Variants in GUCY1A2 observed in about 807,000 individuals in gnomAD.
GUCY1A2 encodes the protein guanylate cyclase 1 soluble subunit alpha 2, also known as guanylate cyclase soluble subunit alpha-2.
GUCY1A2 carries 27 observed loss-of-function variants against 63.5 expected under a neutral mutation model. The ratio of observed to expected loss-of-function variants is 0.43; its 90% confidence interval spans 0.31 to 0.59. The LOEUF (loss-of-function observed/expected upper bound fraction) is 0.59, where lower values mean the gene tolerates loss of function less well. Among genes scored for constraint, GUCY1A2 ranks in the 20% least tolerant of loss-of-function variants. The pLI is 0.11. For synonymous variants in GUCY1A2, 364 were observed against 343.5 expected (o/e 1.06, Z -0.66); for missense variants, 768 against 913.3 (o/e 0.84, Z 2.05).
chr11:106,818,169 A>T (rs1371423632), intron 4 of GUCY1A2, among the ~76,000 whole-genome samples: 1 of 152,246 alleles, frequency 6.6e-6, no homozygotes, highest in East Asian at 1.9e-4. Flanking sequence ...GCTTCACTTT[A>T]TTGCCCTTTG....
intron 4 of GUCY1A2, among the ~76,000 whole-genome samples, chr11:106,904,507 G>A (rs1470749900): frequency 3.3e-5 from 5 of 152,000 alleles, no homozygotes; most frequent in African/African-American, 4.8e-5. Context: ...ACTCTTTGAG[G>A]AGCACTTAAC....
intron 6 of GUCY1A2, among the ~76,000 whole-genome samples, chr11:106,713,060 C>G (rs1474018157): frequency 4.6e-5 from 7 of 152,162 alleles, no homozygotes; most frequent in African/African-American, 1.7e-4. Context: ...CTCTTCAACT[C>G]AAGAAGTTTG....
At position 106,681,372 on chromosome 11, in the gene GUCY1A2, A is replaced by G. The variant is rs1441224310; in HGVS notation, c.*6177T>C. On this transcript the variant is annotated 3_prime_UTR_variant, in exon 8 of 8. Transcript: ENST00000526355. Reference sequence around the variant, plus strand: ...TTTTGCAAAGCCTACTTTCTCAATCACCTCTTCCAACCTATGCTCTACTTC... The same window carrying G: ...TTTTGCAAAGCCTACTTTCTCAATCGCCTCTTCCAACCTATGCTCTACTTC... 2 of 226,220 alleles carry G rather than the reference A, an allele frequency of 8.8e-6. No homozygotes were observed. Among genetic ancestry groups the G allele is most frequent in the South Asian group, 1.8e-4 (1 of 5,474 alleles). The allele number at this position is 226,220 out of a possible 1,614,324, so 14.0% of individuals were successfully genotyped here.
intron 6 of GUCY1A2, among the ~76,000 whole-genome samples, chr11:106,768,883 G>C (rs1864207395): frequency 2.0e-5 from 3 of 152,046 alleles, no homozygotes; most frequent in Non-Finnish European, 4.4e-5. Context: ...AATTCCTAGG[G>C]CAAAGACCTT....
chr11:106,908,002 A>G (rs1404932476), intron 4 of GUCY1A2, among the ~76,000 whole-genome samples: 1 of 152,144 alleles, frequency 6.6e-6, no homozygotes, highest in Non-Finnish European at 1.5e-5. Context: ...CAAATACAAT[A>G]ATGAAAGAAC....
At chr11:106,748,412 G>A (rs902394408) in intron 6 of GUCY1A2, among the ~76,000 whole-genome samples, 3 of 152,064 alleles carry the variant, frequency 2.0e-5, no homozygotes, top group Non-Finnish European at 2.9e-5. Context: ...CTGTATATAC[G>A]AATTCTCCTC....
At chr11:106,747,448 T>C (rs2135382909) in intron 6 of GUCY1A2, among the ~76,000 whole-genome samples, 1 of 152,284 alleles carries the variant, frequency 6.6e-6, no homozygotes, top group Non-Finnish European at 1.5e-5. Flanking sequence ...ATGAGGTCAG[T>C]TTTTCAGATT....
intron 5 of GUCY1A2, among the ~76,000 whole-genome samples, chr11:106,806,250 T>C (rs1170219684): frequency 6.6e-6 from 1 of 152,186 alleles, no homozygotes; most frequent in Non-Finnish European, 1.5e-5. Flanking sequence ...GAAATGCTTA[T>C]GATGTAACTG....
intron 3 of GUCY1A2, among the ~76,000 whole-genome samples, chr11:106,971,475 A>C (rs1371609940): frequency 6.6e-6 from 1 of 152,118 alleles, no homozygotes; most frequent in Non-Finnish European, 1.5e-5. Flanking sequence ...GTTTCTGTTA[A>C]CAATTCTGAA....
In GUCY1A2 at chr11:106,681,944, T is replaced by C. The variant is rs996193346; in HGVS notation, c.*5605A>G. 9.4e-6 allele frequency: 2 copies of C among 213,120 alleles called. No individual in the cohort carries two copies. Among genetic ancestry groups the C allele is most frequent in the Middle Eastern group, 1.4e-3 (1 of 702 alleles). 13.2% of individuals were successfully genotyped at this position (213,120 alleles called of 1,614,324 possible). ...ACATAAAAATCAAAGCATTCAGAAG[T>C]AAGGCTGTCACTTTGATATTTGCTT... On this transcript the variant is annotated 3_prime_UTR_variant, in exon 8 of 8. Transcript: ENST00000526355.
At chr11:106,859,278 G>A (rs892906709) in intron 4 of GUCY1A2, among the ~76,000 whole-genome samples, 1 of 149,694 alleles carries the variant, frequency 6.7e-6, no homozygotes, top group Non-Finnish European at 1.5e-5. Flanking sequence ...TGGTATTTTT[G>A]TATGAACATT....
At chr11:106,851,136 T>C (rs556824459) in intron 4 of GUCY1A2, among the ~76,000 whole-genome samples, 2 of 152,178 alleles carry the variant, frequency 1.3e-5, no homozygotes, top group Admixed American at 1.3e-4. Context: ...TTTGTATGTC[T>C]CCCTTTGAGA....
intron 4 of GUCY1A2, among the ~76,000 whole-genome samples, chr11:106,924,484 T>C (rs57421455): frequency 0.02 from 3,109 of 152,296 alleles, 97 homozygotes; most frequent in African/African-American, 0.07. Flanking sequence ...AGGCCACGCA[T>C]TGTGGCACAG....
At chr11:106,903,562 C>G (rs1053732070) in intron 4 of GUCY1A2, among the ~76,000 whole-genome samples, 1 of 152,098 alleles carries the variant, frequency 6.6e-6, no homozygotes, top group South Asian at 2.1e-4. Context: ...ACCATTCAAA[C>G]GAAAGCTGGG....
At chr11:106,910,629 A>G (rs1860280471) in intron 4 of GUCY1A2, among the ~76,000 whole-genome samples, 1 of 152,044 alleles carries the variant, frequency 6.6e-6, no homozygotes, top group Non-Finnish European at 1.5e-5. Context: ...TAGTCTGGAT[A>G]TGTGACTATA....
chr11:106,714,569 G>T (rs548244034), intron 6 of GUCY1A2, among the ~76,000 whole-genome samples: 11 of 152,118 alleles, frequency 7.2e-5, no homozygotes, highest in Admixed American at 2.0e-4. Flanking sequence ...ATTCATTTGG[G>T]CAAGATTTAA....
chr11:106,857,641 T>C (rs1194917811), intron 4 of GUCY1A2, among the ~76,000 whole-genome samples: 1 of 152,200 alleles, frequency 6.6e-6, no homozygotes, highest in Admixed American at 6.5e-5. Context: ...TCTCTGTATC[T>C]GTGGGCTCCA....
chr11:106,977,487 A>T (rs189548629), intron 3 of GUCY1A2, among the ~76,000 whole-genome samples: 1 of 152,306 alleles, frequency 6.6e-6, no homozygotes. Context: ...CCCTCACAAA[A>T]GGTATACATT....
chr11:106,986,428 T>C (rs1367054023), intron 1 of GUCY1A2, among the ~76,000 whole-genome samples: 1 of 152,114 alleles, frequency 6.6e-6, no homozygotes, highest in Non-Finnish European at 1.5e-5. Flanking sequence ...CTGCCTACAA[T>C]AAACCCAGGC....
Sources: gnomAD v4.1 joint callset for allele counts (sites outside exome capture counted in the v4.1 genomes callset) on GRCh38, gnomAD v4.1.1 for gene constraint, MANE v1.5 for transcripts, NCBI Gene and HGNC (gene_info 2026-07-23, HGNC 2026-07-21) for gene names.